The following ZNF433 variants were observed in gnomAD, a reference collection of about 807,000 sequenced individuals.
ZNF433 encodes zinc finger protein 433.
In ZNF433, 12 loss-of-function variants were observed where a neutral mutation model predicts 10.6. The observed-to-expected ratio is 1.13, with a 90% confidence interval of 0.72 to 1.83. ZNF433 has a LOEUF of 1.83. Among genes scored for constraint, ZNF433 ranks in the 40% most tolerant of loss-of-function variants. ZNF433 has a pLI of 0.00. For synonymous variants in ZNF433, 272 were observed against 271.3 expected (o/e 1.00, Z -0.02); for missense variants, 737 against 798.0 (o/e 0.92, Z 0.92).
rs180809996 is a variant in ZNF433 at position 12,022,091 on chromosome 19, G to A, written c.4-3799C>T. ...ATCTCTGCAGCACTGTGACATGTTCGTGATGGCCATGACACCCACAATGAA... is the reference window on the plus strand; with the variant it reads ...ATCTCTGCAGCACTGTGACATGTTCATGATGGCCATGACACCCACAATGAA... On this transcript the variant is annotated intron_variant, in intron 1 of 3. Coordinates refer to ENST00000550507, the MANE Select transcript of ZNF433 (RefSeq NM_001308348.2). 520 of 439,230 alleles carry A rather than the reference G, an allele frequency of 1.2e-3. 1 individual carries two copies. Among genetic ancestry groups the A allele is most frequent in the Admixed American group, 3.2e-3 (136 of 42,340 alleles). 27.2% of individuals were successfully genotyped at this position (439,230 alleles called of 1,614,324 possible).
At chr19:12,026,223 T>C (rs543260390) in intron 1 of ZNF433, 13 of 156,534 alleles carry the variant, frequency 8.3e-5, no homozygotes, top group South Asian at 1.9e-4. Context: ...CTGGGTGCCA[T>C]TGAGACATCT....
chr19:12,015,254 T>A lies in ZNF433; in HGVS notation c.1604A>T (p.Gln535Leu), dbSNP rs1194825059. The A allele has an allele frequency of 6.2e-7, 1 of 1,613,996 alleles. No homozygotes were observed. Among genetic ancestry groups the A allele is most frequent in the Non-Finnish European group, 8.5e-7 (1 of 1,179,996 alleles). ...HTGEKPYECKQCGKAFRSASQ... is the reference protein window; with the variant it reads ...HTGEKPYECKLCGKAFRSASQ... ...GGCAGATCTGAAGGCTTTTCCACAT[T>A]GCTTGCATTCATAGGGTTTCTCTCC... Residue 535 changes from glutamine (Q) to leucine (L), a missense_variant, in exon 4 of 4, where the codon CAA becomes CTA. By Grantham distance (113) the Gln-to-Leu change is moderately radical. Transcript: ENST00000550507.
intron 1 of ZNF433, among the ~76,000 whole-genome samples, chr19:12,033,563 C>G (rs765594897): frequency 6.6e-6 from 1 of 151,426 alleles, no homozygotes; most frequent in African/African-American, 2.4e-5. Flanking sequence ...TGACTCACAC[C>G]TGTAATCCCA....
chr19:12,020,205 G>A (rs1974415954), intron 1 of ZNF433, among the ~76,000 whole-genome samples: 1 of 151,892 alleles, frequency 6.6e-6, no homozygotes, highest in African/African-American at 2.4e-5. Flanking sequence ...CTGGGCAGCA[G>A]AGGCTGCAGT....
At chr19:12,017,675 C>T (rs1238310227) in intron 3 of ZNF433, among the ~76,000 whole-genome samples, 1 of 152,148 alleles carries the variant, frequency 6.6e-6, no homozygotes, top group Non-Finnish European at 1.5e-5. Flanking sequence ...CAGCCTGAAC[C>T]TCCCAAAGGG....
At chr19:12,021,931 T>G (rs922491374) in intron 1 of ZNF433, 1 of 456,930 alleles carries the variant, frequency 2.2e-6, no homozygotes, top group Admixed American at 2.3e-5. Context: ...AGAGCTTACC[T>G]CCTGCAGTGA....
chr19:12,017,768 G>T, intron 3 of ZNF433, 108 bp downstream of exon 3: 1 of 769,710 alleles, frequency 1.3e-6, no homozygotes, highest in Non-Finnish European at 2.1e-6. Context: ...AGAATAAATA[G>T]ATTGAAATTG....
chr19:12,016,142 C>T lies in ZNF433; in HGVS notation c.716G>A (p.Arg239Gln), dbSNP rs750518345. The change falls in exon 4 of 4, where the codon CGA becomes CAA. Residue 239 changes from arginine to glutamine, a missense_variant. By Grantham distance (43) the Arg-to-Gln change is conservative (BLOSUM62 1). Coordinates refer to ENST00000550507, the MANE Select transcript of ZNF433 (RefSeq NM_001308348.2). ...GKAFSHSSSL[R>Q]IHERTHTGEK... Reference sequence around the variant, plus strand: ...CCCAGTGTGAGTTCTTTCATGTATTCGAAGGCTACTAGAATGACTAAAGGC... The same window carrying T: ...CCCAGTGTGAGTTCTTTCATGTATTTGAAGGCTACTAGAATGACTAAAGGC... The T allele has an allele frequency of 5.3e-5, 85 of 1,613,794 alleles. No individual in the cohort carries two copies. Among genetic ancestry groups the T allele is most frequent in the Middle Eastern group, 1.6e-4 (1 of 6,084 alleles).
intron 1 of ZNF433, among the ~76,000 whole-genome samples, chr19:12,019,858 G>A (rs1442961662): frequency 6.6e-6 from 1 of 152,186 alleles, no homozygotes; most frequent in Non-Finnish European, 1.5e-5. Flanking sequence ...GAGTTATGTA[G>A]TGTTGTGCAA....
At chr19:12,022,313 A>C in intron 1 of ZNF433, 1 of 264,528 alleles carries the variant, frequency 3.8e-6, no homozygotes, top group South Asian at 3.9e-5. Context: ...GAATACTTTT[A>C]ATCTATAATC....
rs2145392785 is a variant in ZNF433 at position 12,015,009 on chromosome 19, A to G, written c.1849T>C (p.Cys617Arg). 2 of 1,613,976 alleles carry G rather than the reference A, an allele frequency of 1.2e-6. No homozygotes were observed. The highest frequency in any genetic ancestry group is 2.2e-5 in the South Asian group (2 of 91,072). The change falls in exon 4 of 4, where the codon TGT becomes CGT. Residue 617 changes from cysteine to arginine, a missense_variant. Physicochemically the swap from Cys to Arg is radical, Grantham distance 180 (BLOSUM62 -3). Transcript: ENST00000550507. ...CCAAAAGCTTTCCCACATTGCTTACATTTATACGGTTTCTCTCCAGTGTGA... is the reference window on the plus strand; with the variant it reads ...CCAAAAGCTTTCCCACATTGCTTACGTTTATACGGTTTCTCTCCAGTGTGA... ...RTHTGEKPYK[C>R]KQCGKAFGCP...
intron 1 of ZNF433, among the ~76,000 whole-genome samples, chr19:12,020,278 AT>A (rs201826846): frequency 4.6e-5 from 7 of 151,618 alleles, no homozygotes; most frequent in African/African-American, 1.5e-4. Context: ...TCTCAAAAAA[AT>A]TTTAAAAAAA....
chr19:12,020,533 AAC>A lies in ZNF433; in HGVS notation c.4-2243_4-2242del, dbSNP rs373520592. ...CAGCTGTTTCAAGTGTATCATGAGA[AAC>A]ACATAATTGAAGACGTCCTTTCGAG... On this transcript the variant is annotated intron_variant, in intron 1 of 3. Transcript: ENST00000550507. Among the ~76,000 whole-genome samples, 20 of 152,362 alleles carry A rather than the reference AAC, an allele frequency of 1.3e-4. No homozygotes were observed. The East Asian group carries it at 2.5e-3, about 19-fold the overall frequency.
At chr19:12,033,281 G>C in intron 1 of ZNF433, among the ~76,000 whole-genome samples, 1 of 152,074 alleles carries the variant, frequency 6.6e-6, no homozygotes, top group East Asian at 1.9e-4. Flanking sequence ...ATTTCTAGTA[G>C]AGCCAAGGTT....
At chr19:12,028,764 T>G (rs1257877057) in intron 1 of ZNF433, among the ~76,000 whole-genome samples, 1 of 152,250 alleles carries the variant, frequency 6.6e-6, no homozygotes, top group Non-Finnish European at 1.5e-5. Flanking sequence ...AGGGGCATGA[T>G]GACAGCTCAC....
chr19:12,029,390 A>G (rs1035904935), intron 1 of ZNF433, among the ~76,000 whole-genome samples: 1 of 151,812 alleles, frequency 6.6e-6, no homozygotes, highest in African/African-American at 2.4e-5. Context: ...GCATGGTGGC[A>G]TGTGCCTGTA....
In ZNF433 at chr19:12,018,599, A is replaced by G. The variant is rs1731667949; in HGVS notation, c.4-307T>C. On this transcript the variant is annotated intron_variant, in intron 1 of 3. Coordinates refer to ENST00000550507, the MANE Select transcript of ZNF433 (RefSeq NM_001308348.2). ...GTGGGAGTACGGCACCTGCCATAACAAAGTCTTCCAAATTCCTGTGCAGAA... is the reference window on the plus strand; with the variant it reads ...GTGGGAGTACGGCACCTGCCATAACGAAGTCTTCCAAATTCCTGTGCAGAA... 3 of 213,524 alleles carry G rather than the reference A, an allele frequency of 1.4e-5. No homozygotes were observed. In the East Asian group the frequency reaches 2.9e-4, roughly 21 times the overall value. 13.2% of individuals were successfully genotyped at this position (213,524 alleles called of 1,614,324 possible).
intron 2 of ZNF433, 56 bp from the exon 3 acceptor site, chr19:12,017,992 TACA>T: frequency 7.3e-7 from 1 of 1,371,710 alleles, no homozygotes; most frequent in Non-Finnish European, 1.0e-6. Flanking sequence ...ATTAAAAAAT[TACA>T]TGATTCTATG....
chr19:12,030,157 A>C (rs1403504783), intron 1 of ZNF433: 1 of 447,132 alleles, frequency 2.2e-6, no homozygotes, highest in Non-Finnish European at 4.5e-6. Flanking sequence ...CAGATCTGTC[A>C]GCACCTTGAA....
Sources: allele counts gnomAD v4.1 joint callset (sites outside exome capture counted in the v4.1 genomes callset), GRCh38; gene constraint gnomAD v4.1.1; transcripts MANE v1.5; gene names NCBI Gene and HGNC (gene_info 2026-07-23, HGNC 2026-07-21).